Variants in ANKMY2 observed in about 807,000 individuals in gnomAD.
The protein encoded by ANKMY2 is ankyrin repeat and MYND domain-containing protein 2.
In ANKMY2, 36 loss-of-function variants were observed where a neutral mutation model predicts 50.4. The ratio of observed to expected loss-of-function variants is 0.71; its 90% confidence interval spans 0.55 to 0.94. The LOEUF (loss-of-function observed/expected upper bound fraction) is 0.94, where lower values mean the gene tolerates loss of function less well. Among genes scored for constraint, ANKMY2 ranks in the 40% least tolerant of loss-of-function variants. ANKMY2 has a pLI of 0.00. For synonymous variants in ANKMY2, 187 were observed against 178.8 expected (o/e 1.05, Z -0.36); for missense variants, 565 against 524.0 (o/e 1.08, Z -0.76).
intron 2 of ANKMY2, among the ~76,000 whole-genome samples, chr7:16,629,361 C>T (rs1254671145): frequency 2.6e-5 from 4 of 152,116 alleles, no homozygotes; most frequent in African/African-American, 9.7e-5. Context: ...CATGGCAAAA[C>T]CCTGTCTCCA....
chr7:16,608,188 T>G (rs1781190781), intron 7 of ANKMY2, among the ~76,000 whole-genome samples: 1 of 152,214 alleles, frequency 6.6e-6, no homozygotes, highest in South Asian at 2.1e-4. Context: ...TCTATGTATA[T>G]GTGAATACAT....
At chr7:16,634,022 T>G (rs1781623103) in intron 2 of ANKMY2, among the ~76,000 whole-genome samples, 1 of 152,216 alleles carries the variant, frequency 6.6e-6, no homozygotes, top group Admixed American at 6.5e-5. Context: ...TTGTCTGATA[T>G]TAATTTTGCT....
intron 2 of ANKMY2, among the ~76,000 whole-genome samples, chr7:16,635,390 G>A (rs1004789353): frequency 2.0e-5 from 3 of 152,082 alleles, no homozygotes; most frequent in Non-Finnish European, 2.9e-5. Context: ...GGGGTATGAG[G>A]AAATCTTTGA....
chr7:16,600,640 T>C lies in ANKMY2; in HGVS notation c.*121A>G, dbSNP rs1365102959. The C allele has an allele frequency of 1.2e-5, 10 of 800,696 alleles. No individual in the cohort carries two copies. Among genetic ancestry groups the C allele is most frequent in the South Asian group, 3.8e-5 (1 of 26,034 alleles). The allele number at this position is 800,696 out of a possible 1,614,324, so 49.6% of individuals were successfully genotyped here. A position where few individuals can be genotyped will look rare whatever the true frequency, so the allele number is the denominator to read the frequency against. ...GGTTTGCTTGAAAACCTGTATTCTA[T>C]GAAATGTGGAATCCTGCCATGGTGC... On this transcript the variant is annotated 3_prime_UTR_variant, in exon 10 of 10. Transcript: ENST00000306999.
At chr7:16,613,097 G>C (rs751930664) in intron 5 of ANKMY2, among the ~76,000 whole-genome samples, 1 of 152,080 alleles carries the variant, frequency 6.6e-6, no homozygotes, top group Non-Finnish European at 1.5e-5. Flanking sequence ...TAGAGACCCT[G>C]CTCTGCTGAC....
chr7:16,602,463 T>A lies in ANKMY2; in HGVS notation c.1058A>T (p.His353Leu). 6.2e-7 allele frequency: 1 copy of A among 1,613,970 alleles called. No individual in the cohort carries two copies. The highest frequency in any genetic ancestry group is 8.5e-7 in the Non-Finnish European group (1 of 1,179,986). ...CTTCAGATTCTTACAGATTTTCTTATGAGTAAACCAGTGTGTTTTCTGGCA... is the reference window on the plus strand; with the variant it reads ...CTTCAGATTCTTACAGATTTTCTTAAGAGTAAACCAGTGTGTTTTCTGGCA... ...QTCQKTHWFT[H>L]KKICKNLKDI... The change falls in exon 9 of 10, where the codon CAT becomes CTT. Residue 353 changes from histidine to leucine, a missense_variant. Coordinates refer to ENST00000306999, the MANE Select transcript of ANKMY2 (RefSeq NM_020319.3).
chr7:16,618,367 A>G (rs890699524), intron 4 of ANKMY2, among the ~76,000 whole-genome samples: 18 of 152,212 alleles, frequency 1.2e-4, no homozygotes, highest in African/African-American at 4.3e-4. Flanking sequence ...ATTATACAAC[A>G]GATGAAAGAG....
chr7:16,603,725 C>T, intron 8 of ANKMY2: 1 of 470,864 alleles, frequency 2.1e-6, no homozygotes, highest in South Asian at 1.5e-5. Context: ...CAGCATGAAA[C>T]AACATGGCAA....
At chr7:16,611,860 G>A (rs1781259930) in intron 5 of ANKMY2, among the ~76,000 whole-genome samples, 2 of 152,094 alleles carry the variant, frequency 1.3e-5, no homozygotes, top group Admixed American at 1.3e-4. Context: ...CAATCAGCAT[G>A]CACTCCCCTT....
intron 5 of ANKMY2, among the ~76,000 whole-genome samples, chr7:16,612,543 T>C (rs1350540403): frequency 6.6e-6 from 1 of 152,236 alleles, no homozygotes; most frequent in African/African-American, 2.4e-5. Flanking sequence ...TCATTTAAAG[T>C]TGTTTGATCA....
At chr7:16,622,207 A>C (rs1340308064) in intron 4 of ANKMY2, among the ~76,000 whole-genome samples, 4 of 152,168 alleles carry the variant, frequency 2.6e-5, no homozygotes, top group Non-Finnish European at 5.9e-5. Context: ...GCAATAACAA[A>C]GGGCATCCCC....
chr7:16,629,568 T>C (rs901101590), intron 2 of ANKMY2, among the ~76,000 whole-genome samples: 6 of 152,076 alleles, frequency 3.9e-5, no homozygotes, highest in African/African-American at 1.4e-4. Context: ...ATCCCAATCA[T>C]GTCATCTGCT....
chr7:16,634,038 T>C (rs942989707), intron 2 of ANKMY2, among the ~76,000 whole-genome samples: 1 of 152,212 alleles, frequency 6.6e-6, no homozygotes, highest in Non-Finnish European at 1.5e-5. Context: ...TTGCTACCCA[T>C]GTGTGGGTAA....
At position 16,609,578 on chromosome 7, in the gene ANKMY2, G is replaced by C. The variant is rs1781212172; in HGVS notation, c.882+52C>G. The C allele has an allele frequency of 3.3e-6, 5 of 1,529,800 alleles. No individual in the cohort carries two copies. The Admixed American group carries it at 1.2e-4, about 37-fold the overall frequency. 94.8% of individuals were successfully genotyped at this position (1,529,800 alleles called of 1,614,324 possible). ...AGAACTTGCCTTTAACAATACAATA[G>C]GTGGGAATTAGGTTTTACTGATAGA... On this transcript the variant is annotated intron_variant, in intron 7 of 9. Coordinates refer to ENST00000306999, the MANE Select transcript of ANKMY2 (RefSeq NM_020319.3).
At chr7:16,628,908 TAAACAAAACAAAACA>T (rs59359472) in intron 2 of ANKMY2, among the ~76,000 whole-genome samples, 57 of 128,034 alleles carry the variant, frequency 4.5e-4, no homozygotes, top group African/African-American at 1.1e-3. Context: ...GCCTCTAGTT[TAAACAAAACAAAACA>T]AAACAAAACA....
intron 2 of ANKMY2, among the ~76,000 whole-genome samples, chr7:16,634,660 T>G (rs372337535): frequency 2.0e-5 from 3 of 152,254 alleles, no homozygotes; most frequent in African/African-American, 7.2e-5. Flanking sequence ...TAGCATCCAG[T>G]GCTCACACAG....
At chr7:16,636,004 C>T (rs961624340) in intron 2 of ANKMY2, among the ~76,000 whole-genome samples, 1 of 151,892 alleles carries the variant, frequency 6.6e-6, no homozygotes, top group South Asian at 2.1e-4. Flanking sequence ...AGAAAAAAAA[C>T]TTGTATTAAG....
intron 4 of ANKMY2, among the ~76,000 whole-genome samples, chr7:16,618,065 C>T (rs550412403): frequency 6.6e-6 from 1 of 151,850 alleles, no homozygotes; most frequent in Non-Finnish European, 1.5e-5. Context: ...GTAGCTGAGA[C>T]TACAGGTGTG....
chr7:16,627,041 A>G lies in ANKMY2; in HGVS notation c.270T>C (p.Ser90=). ...TATTTATAAATACTAAAACTTCACC[A>G]GAAAGTGCAGCAAACATGAGGGCTG... ...GYTALMFAAL[S]GNKDITWVML... Residue 90 remains serine (S), a splice_region_variant and synonymous_variant, in exon 3 of 10, where the codon TCT becomes TCC. Transcript: ENST00000306999. The G allele has an allele frequency of 6.3e-7, 1 of 1,595,998 alleles. No homozygotes were observed. The highest frequency in any genetic ancestry group is 8.5e-7 in the Non-Finnish European group (1 of 1,172,390).
Sources: gnomAD v4.1 joint callset for allele counts (sites outside exome capture counted in the v4.1 genomes callset) on GRCh38, gnomAD v4.1.1 for gene constraint, MANE v1.5 for transcripts, NCBI Gene and HGNC (gene_info 2026-07-23, HGNC 2026-07-21) for gene names.